Variants in TRA2A observed in about 807,000 individuals in gnomAD.
The protein encoded by TRA2A is transformer-2 protein homolog alpha.
In TRA2A, 31 loss-of-function variants were observed where a neutral mutation model predicts 45.7. The ratio of observed to expected loss-of-function variants is 0.68; its 90% CI spans 0.51 to 0.92. The LOEUF is 0.92. Among genes scored for constraint, TRA2A ranks in the 40% least tolerant of loss-of-function variants. The probability of loss-of-function intolerance (pLI) is 0.00; values close to 1 mark genes in which losing one functional copy is unlikely to be tolerated. For synonymous variants in TRA2A, 132 were observed against 126.2 expected, an observed-to-expected ratio of 1.05 and a Z score of -0.31; for missense variants, 304 against 367.5, an observed-to-expected ratio of 0.83 and a Z score of 1.41.
At chr7:23,511,493 T>C (rs546704292) in intron 4 of TRA2A, among the ~76,000 whole-genome samples, 10 of 150,408 alleles carry the variant, frequency 6.6e-5, no homozygotes, top group African/African-American at 2.4e-4. Context: ...TATATTAATT[T>C]AAAAGACAGA....
At chr7:23,531,297 G>A (rs1032953789) in intron 1 of TRA2A, 4 of 980,090 alleles carry the variant, frequency 4.1e-6, no homozygotes, top group Non-Finnish European at 4.9e-6. Flanking sequence ...AGGAGACACA[G>A]GCCCCAGCTA....
At chr7:23,531,711 C>T (rs1458458175) in intron 1 of TRA2A, 78 bp downstream of exon 1, 5 of 1,561,604 alleles carry the variant, frequency 3.2e-6, no homozygotes, top group Non-Finnish European at 3.5e-6. Context: ...ACCCGCAACC[C>T]CGCCCGACCG....
intron 4 of TRA2A, 52 bp from the exon 5 acceptor site, chr7:23,507,587 A>C: frequency 7.9e-7 from 1 of 1,257,958 alleles, no homozygotes; most frequent in Non-Finnish European, 1.2e-6. Flanking sequence ...TCTTGAAGTA[A>C]TCATTACTTA....
intron 2 of TRA2A, among the ~76,000 whole-genome samples, chr7:23,519,118 G>A (rs149160048): frequency 0.018 from 2,734 of 152,306 alleles, 77 homozygotes; most frequent in African/African-American, 0.063. Context: ...GACAGGCCGG[G>A]CACGGTGGCT....
intron 5 of TRA2A, chr7:23,506,488 A>G: frequency 2.1e-6 from 1 of 468,838 alleles, no homozygotes; most frequent in Non-Finnish European, 3.7e-6. Context: ...AAAACTATTA[A>G]CTGCTTTTCT....
At chr7:23,515,223 C>CTTTTTTTTTTT (rs767953060) in intron 3 of TRA2A, among the ~76,000 whole-genome samples, 2 of 96,798 alleles carry the variant, frequency 2.1e-5, no homozygotes, top group African/African-American at 4.1e-5. Context: ...GAACATATTT[C>CTTTTTTTTTTT]TTTTTTTTTT....
intron 1 of TRA2A, among the ~76,000 whole-genome samples, chr7:23,524,787 A>G (rs969490523): frequency 6.6e-6 from 1 of 150,756 alleles, no homozygotes; most frequent in African/African-American, 2.4e-5. Flanking sequence ...CGCCTCCCGG[A>G]TTCAAGCGAT....
At chr7:23,530,045 ACAAAC>A (rs1372357755) in intron 1 of TRA2A, among the ~76,000 whole-genome samples, 3 of 152,134 alleles carry the variant, frequency 2.0e-5, no homozygotes, top group African/African-American at 4.8e-5. Flanking sequence ...TTCACTCCCC[ACAAAC>A]CAAACCAAAC....
intron 4 of TRA2A, among the ~76,000 whole-genome samples, chr7:23,511,215 C>CAA (rs1413159040): frequency 4.0e-5 from 6 of 151,116 alleles, no homozygotes; most frequent in Non-Finnish European, 8.9e-5. Flanking sequence ...ACTAAAAATA[C>CAA]AAAAAATTAG....
intron 2 of TRA2A, among the ~76,000 whole-genome samples, chr7:23,520,244 T>G (rs1790072821): frequency 6.6e-6 from 1 of 151,910 alleles, no homozygotes; most frequent in South Asian, 2.1e-4. Flanking sequence ...AACAAGAAAC[T>G]CTTCAGGAGT....
intron 3 of TRA2A, among the ~76,000 whole-genome samples, chr7:23,514,524 C>T (rs1212156914): frequency 1.3e-5 from 2 of 152,144 alleles, no homozygotes; most frequent in African/African-American, 4.8e-5. Flanking sequence ...AAATGCTTTA[C>T]ATCCCTTACA....
At chr7:23,516,777 C>CAAA (rs139559008) in intron 2 of TRA2A, among the ~76,000 whole-genome samples, 1 of 145,592 alleles carries the variant, frequency 6.9e-6, no homozygotes, top group African/African-American at 2.5e-5. Context: ...TTTTAAAAAA[C>CAAA]AAAAAAAAAA....
chr7:23,513,484 G>A (rs1215162542), intron 3 of TRA2A, among the ~76,000 whole-genome samples: 1 of 152,100 alleles, frequency 6.6e-6, no homozygotes, highest in Non-Finnish European at 1.5e-5. Context: ...TGGGCATGGT[G>A]GCCGGCGCCT....
intron 2 of TRA2A, among the ~76,000 whole-genome samples, chr7:23,517,477 CAAAA>C (rs70954385): frequency 5.0e-3 from 69 of 13,926 alleles, no homozygotes; most frequent in South Asian, 0.048. Flanking sequence ...GACTACGTCT[CAAAA>C]AAAAAAAAAA....
At chr7:23,507,595 T>C (rs1396593493) in intron 4 of TRA2A, 60 bp from the exon 5 acceptor site, 1 of 1,206,502 alleles carries the variant, frequency 8.3e-7, no homozygotes. Context: ...TAATCATTAC[T>C]TAAAATTAAG....
chr7:23,521,091 G>GA (rs1226769656), intron 2 of TRA2A, among the ~76,000 whole-genome samples: 2 of 152,168 alleles, frequency 1.3e-5, no homozygotes, highest in Admixed American at 6.6e-5. Context: ...ATGGTGGTGG[G>GA]ACTCCAAATC....
chr7:23,531,704 C>A (rs1371234122), intron 1 of TRA2A, 85 bp downstream of exon 1: 2 of 1,522,926 alleles, frequency 1.3e-6, no homozygotes, highest in African/African-American at 2.7e-5. Flanking sequence ...CGGGACTACC[C>A]GCAACCCCGC....
chr7:23,505,669 C>G, intron 7 of TRA2A, 77 bp downstream of exon 7: 1 of 940,742 alleles, frequency 1.1e-6, no homozygotes, highest in Non-Finnish European at 1.6e-6. Context: ...CACCTTCCAC[C>G]TTATACTCTA....
At chr7:23,517,294 A>G (rs1789917555) in intron 2 of TRA2A, among the ~76,000 whole-genome samples, 1 of 150,646 alleles carries the variant, frequency 6.6e-6, no homozygotes, top group South Asian at 2.1e-4. Context: ...CATCCTGGCT[A>G]ACATGGTGAA....
Sources: allele counts gnomAD v4.1 joint callset (sites outside exome capture counted in the v4.1 genomes callset), GRCh38; gene constraint gnomAD v4.1.1; transcripts MANE v1.5; gene names NCBI Gene and HGNC (gene_info 2026-07-23, HGNC 2026-07-21).